Variants in CCDC141 observed in about 807,000 individuals in gnomAD.
CCDC141 encodes the protein coiled-coil domain containing 141.
CCDC141 carries 168 observed loss-of-function variants against 181.0 expected under a neutral mutation model. The observed-to-expected ratio is 0.93, with a 90% CI of 0.82 to 1.05. The LOEUF is 1.05. Ranked by LOEUF, CCDC141 falls within the 50% of genes least tolerant of loss-of-function variation. The pLI, the probability that CCDC141 is intolerant of heterozygous loss-of-function variation, is 0.00. For synonymous variants in CCDC141, 666 were observed against 642.3 expected (o/e 1.04, Z -0.56); for missense variants, 1,902 against 1,788.5 (o/e 1.06, Z -1.14).
chr2:178,993,656 C>T (rs1249361589), intron 2 of CCDC141, among the ~76,000 whole-genome samples: 2 of 152,162 alleles, frequency 1.3e-5, no homozygotes, highest in African/African-American at 4.8e-5. Context: ...CAACAGTCCC[C>T]AAAGTCTTAA....
At chr2:178,821,189 GC>G in the CCDC141 span, among the ~76,000 whole-genome samples, 6 of 152,170 alleles carry the variant, frequency 3.9e-5, no homozygotes, top group Admixed American at 1.3e-4. Flanking sequence ...GTGAATAAGA[GC>G]CTGATTATTT....
chr2:178,945,853 GCACA>G (rs10649193), intron 5 of CCDC141, among the ~76,000 whole-genome samples: 24 of 149,564 alleles, frequency 1.6e-4, no homozygotes, highest in Admixed American at 2.7e-4. Flanking sequence ...ACACATGCGT[GCACA>G]CACACACACA....
At position 178,834,218 on chromosome 2, in the gene CCDC141, G is replaced by A. The variant is rs16866554; in HGVS notation, c.4548C>T (p.Val1516=). The A allele has an allele frequency of 0.076, 116,402 of 1,536,036 alleles. 5,573 individuals carry two copies. Among genetic ancestry groups the A allele is most frequent in the African/African-American group, 0.22 (16,288 of 73,074 alleles). Residue 1516 remains valine, a synonymous_variant, in exon 24 of 24, where the codon GTC becomes GTT. Transcript: ENST00000443758. Reference sequence around the variant, plus strand: ...ACATTAGGGACACACTAACATAGACGACACACAGGGTTATCCAGTTTACTC... The same window carrying A: ...ACATTAGGGACACACTAACATAGACAACACACAGGGTTATCCAGTTTACTC... ...ITRVNWITLC[V]VYVSVSLMYW...
chr2:179,049,433 C>T (rs918358775), intron 1 of CCDC141, among the ~76,000 whole-genome samples: 16 of 152,120 alleles, frequency 1.1e-4, no homozygotes, highest in African/African-American at 3.6e-4. Context: ...CCTCCCACCT[C>T]CATCACATCC....
intron 22 of CCDC141, 97 bp from the exon 23 acceptor site, chr2:178,837,841 C>T (rs1376970299): frequency 7.5e-7 from 1 of 1,340,326 alleles, no homozygotes; most frequent in Non-Finnish European, 9.6e-7. Flanking sequence ...TAACTCGAGA[C>T]AACCTACAAG....
Position 178,837,099 on chromosome 2 carries a change from A to C in CCDC141, c.4120T>G (p.Phe1374Val). 6.2e-7 allele frequency: 1 copy of C among 1,613,774 alleles called. No homozygotes were observed. The highest frequency in any genetic ancestry group is 2.2e-5 in the East Asian group (1 of 44,788). The change falls in exon 23 of 24, where the codon TTT becomes GTT. Residue 1374 changes from phenylalanine to valine, a missense_variant. Transcript: ENST00000443758. ...ASSDAFSGLRFQSGTSRGYQR... is the reference protein window; with the variant it reads ...ASSDAFSGLRVQSGTSRGYQR... ...TAGCCCCTGCTGGTGCCTGATTGAA[A>C]CCTGAGGCCCGAGAATGCATCAGAG... is the stretch of plus-strand genomic sequence containing the variant.
In CCDC141 at chr2:179,005,349, AAC is replaced by A. The variant is rs747964209; in HGVS notation, c.226-26676_226-26675del. Among the ~76,000 whole-genome samples the A allele has an allele frequency of 1.8e-3, 281 of 152,294 alleles. 2 individuals are homozygous for A. The highest frequency in any genetic ancestry group is 3.2e-3 in the Non-Finnish European group (219 of 68,024). On this transcript the variant is annotated intron_variant, in intron 2 of 23. Coordinates refer to ENST00000443758, the MANE Select transcript of CCDC141 (RefSeq NM_173648.4). ...GGTTTAGAAAATTATTAAACAACGT[AAC>A]ACACTGGGATTGTTTAAATAGTTTT...
the CCDC141 span, chr2:178,817,472 G>A: frequency 4.3e-6 from 2 of 470,318 alleles, no homozygotes; most frequent in African/African-American, 2.0e-5. Flanking sequence ...AAAACATAGA[G>A]TTATGAAACA....
intron 7 of CCDC141, among the ~76,000 whole-genome samples, chr2:178,906,446 T>C (rs1180592245): frequency 6.6e-6 from 1 of 152,212 alleles, no homozygotes; most frequent in East Asian, 1.9e-4. Context: ...TCTCTAGGAA[T>C]AATTTTGACC....
At position 178,981,651 on chromosome 2, in the gene CCDC141, T is replaced by C. The variant is rs1328290285; in HGVS notation, c.226-2976A>G. 2.0e-4 allele frequency among the ~76,000 whole-genome samples: 10 copies of C among 49,896 alleles called. No homozygotes were observed. The East Asian group carries it at 2.7e-3, about 14-fold the overall frequency. 32.7% of individuals were successfully genotyped at this position (49,896 alleles called of 152,430 possible). A position where few individuals can be genotyped will look rare whatever the true frequency, so the allele number is the denominator to read the frequency against. On this transcript the variant is annotated intron_variant, in intron 2 of 23. Coordinates refer to ENST00000443758, the MANE Select transcript of CCDC141 (RefSeq NM_173648.4). The stretch of plus-strand genomic sequence containing the variant: ...GTGTGTGTGTGTATATATATATATA[T>C]ATATATACATACATATATACATATA...
intron 2 of CCDC141, among the ~76,000 whole-genome samples, chr2:179,017,729 G>A (rs1248239276): frequency 6.6e-6 from 1 of 152,042 alleles, no homozygotes; most frequent in East Asian, 1.9e-4. Context: ...ACCAAATAAA[G>A]CCCTTAGATA....
Sources: allele counts gnomAD v4.1 joint callset (sites outside exome capture counted in the v4.1 genomes callset), GRCh38; gene constraint gnomAD v4.1.1; transcripts MANE v1.5; gene names NCBI Gene and HGNC (gene_info 2026-07-23, HGNC 2026-07-21).